Variants in SCAI observed in about 807,000 individuals in gnomAD.
SCAI encodes the protein protein SCAI.
SCAI carries 24 observed loss-of-function variants against 92.2 expected under a neutral mutation model. That is an observed-to-expected ratio of 0.26 (90% CI 0.19 to 0.37). The LOEUF (loss-of-function observed/expected upper bound fraction) is 0.37, where lower values mean the gene tolerates loss of function less well. Among genes scored for constraint, SCAI ranks in the 10% least tolerant of loss-of-function variants. The pLI, the probability that SCAI is intolerant of heterozygous loss-of-function variation, is 1.00. For missense variants in SCAI, 450 were observed against 736.2 expected (o/e 0.61, Z 4.50); for synonymous variants, 261 against 258.6 (o/e 1.01, Z -0.09).
intron 2 of SCAI, chr9:125,065,896 GA>G: frequency 1.5e-6 from 1 of 652,302 alleles, no homozygotes; most frequent in South Asian, 1.9e-5. Flanking sequence ...TCACAATTAA[GA>G]AAAAGAAACC....
At chr9:125,038,911 T>C (rs1833256768) in intron 3 of SCAI, among the ~76,000 whole-genome samples, 1 of 152,236 alleles carries the variant, frequency 6.6e-6, no homozygotes, top group Non-Finnish European at 1.5e-5. Flanking sequence ...GTTATCTCCT[T>C]ATAGTTCTAT....
At chr9:125,001,152 G>A (rs1188462279) in intron 12 of SCAI, among the ~76,000 whole-genome samples, 1 of 152,062 alleles carries the variant, frequency 6.6e-6, no homozygotes, top group African/African-American at 2.4e-5. Context: ...AAAAATCACT[G>A]CAATGAAAAG....
chr9:124,969,928 A>G (rs559724459), intron 17 of SCAI, among the ~76,000 whole-genome samples: 3 of 152,004 alleles, frequency 2.0e-5, no homozygotes, highest in Admixed American at 2.0e-4. Context: ...ATCTCTGCTC[A>G]CTGCAACCTC....
chr9:125,038,492 T>G (rs993017001), intron 3 of SCAI, among the ~76,000 whole-genome samples: 2 of 152,208 alleles, frequency 1.3e-5, no homozygotes, highest in African/African-American at 4.8e-5. Context: ...AAATAATTTT[T>G]CCCCCAAACC....
chr9:125,025,156 T>C (rs1229370375), intron 6 of SCAI, among the ~76,000 whole-genome samples: 1 of 152,216 alleles, frequency 6.6e-6, no homozygotes, highest in Non-Finnish European at 1.5e-5. Context: ...AGAAACAACC[T>C]ACAAACTGAA....
At chr9:125,115,673 C>G (rs2131239973) in intron 2 of SCAI, among the ~76,000 whole-genome samples, 1 of 152,058 alleles carries the variant, frequency 6.6e-6, no homozygotes, top group South Asian at 2.1e-4. Context: ...AATCAATTTA[C>G]AGTTATAGTC....
intron 4 of SCAI, among the ~76,000 whole-genome samples, chr9:125,029,234 G>A (rs116499642): frequency 6.6e-6 from 1 of 152,078 alleles, no homozygotes; most frequent in African/African-American, 2.4e-5. Flanking sequence ...CGATTCTCGT[G>A]CCACAGCCTC....
At chr9:124,997,544 G>A (rs1021517160) in intron 13 of SCAI, among the ~76,000 whole-genome samples, 1 of 152,112 alleles carries the variant, frequency 6.6e-6, no homozygotes, top group Non-Finnish European at 1.5e-5. Context: ...GAGCCAATGA[G>A]CCAATAACAG....
intron 2 of SCAI, among the ~76,000 whole-genome samples, chr9:125,106,102 A>C (rs1175307349): frequency 6.6e-4 from 21 of 32,034 alleles, no homozygotes; most frequent in Non-Finnish European, 1.2e-3. Context: ...ATCTCAAAAA[A>C]AAAAAAAAAA....
intron 2 of SCAI, among the ~76,000 whole-genome samples, chr9:125,116,134 G>A (rs891048676): frequency 5.3e-5 from 8 of 151,962 alleles, no homozygotes; most frequent in South Asian, 2.1e-4. Flanking sequence ...GCAGTGAGCC[G>A]AGATTGCACC....
intron 3 of SCAI, among the ~76,000 whole-genome samples, chr9:125,032,195 A>C (rs71497077): frequency 1.0e-5 from 1 of 99,476 alleles, no homozygotes; most frequent in South Asian, 3.3e-4. Flanking sequence ...ATATATATAT[A>C]TTTTTTTTTT....
At chr9:124,972,388 C>A (rs73666662) in intron 15 of SCAI, among the ~76,000 whole-genome samples, 1 of 152,038 alleles carries the variant, frequency 6.6e-6, no homozygotes, top group Non-Finnish European at 1.5e-5. Flanking sequence ...CTCTGTCTTG[C>A]GGTAGATACT....
chr9:125,083,717 G>C (rs1834266558), intron 2 of SCAI, among the ~76,000 whole-genome samples: 1 of 152,130 alleles, frequency 6.6e-6, no homozygotes. Flanking sequence ...CAAATATTGA[G>C]AGTCTTCTAT....
chr9:125,024,663 C>T (rs1832934589), intron 6 of SCAI, among the ~76,000 whole-genome samples: 1 of 152,166 alleles, frequency 6.6e-6, no homozygotes, highest in Non-Finnish European at 1.5e-5. Flanking sequence ...GACACTGACT[C>T]TTTAACTATA....
intron 2 of SCAI, among the ~76,000 whole-genome samples, chr9:125,093,398 G>C (rs984881015): frequency 6.6e-6 from 1 of 151,924 alleles, no homozygotes; most frequent in Non-Finnish European, 1.5e-5. Context: ...TACTTCACAG[G>C]CTGCTCCTTC....
At chr9:124,983,120 C>T (rs148030390) in intron 14 of SCAI, among the ~76,000 whole-genome samples, 180 of 151,372 alleles carry the variant, frequency 1.2e-3, no homozygotes, top group African/African-American at 4.1e-3. Flanking sequence ...CCACTGCACT[C>T]CATGCACTCC....
At chr9:125,024,173 A>T (rs952780588) in intron 6 of SCAI, among the ~76,000 whole-genome samples, 3 of 152,108 alleles carry the variant, frequency 2.0e-5, no homozygotes, top group African/African-American at 7.2e-5. Context: ...TCTTCTGAAC[A>T]ATAAATGACA....
At chr9:125,094,840 C>G (rs1399522555) in intron 2 of SCAI, among the ~76,000 whole-genome samples, 1 of 152,136 alleles carries the variant, frequency 6.6e-6, no homozygotes, top group Non-Finnish European at 1.5e-5. Context: ...ATAATGCAAA[C>G]TTCATGAGGG....
At position 124,947,468 on chromosome 9, in the gene SCAI, A is replaced by G. The variant is rs1197948561; in HGVS notation, c.*5339T>C. On this transcript the variant is annotated 3_prime_UTR_variant, in exon 18 of 18. Coordinates refer to ENST00000336505, the MANE Select transcript of SCAI (RefSeq NM_001144877.3). ...AATTAGCCCATTTTATCCAAACACA[A>G]GCCTCTCAAAATAGAGGCTTATGAA... is the stretch of plus-strand genomic sequence containing the variant. 6.6e-6 allele frequency: 1 copy of G among 151,924 alleles called. No individual in the cohort carries two copies. Among genetic ancestry groups the G allele is most frequent in the Non-Finnish European group, 1.5e-5 (1 of 67,908 alleles). 9.4% of individuals were successfully genotyped at this position (151,924 alleles called of 1,614,324 possible).
Sources: gnomAD v4.1 joint callset for allele counts (sites outside exome capture counted in the v4.1 genomes callset) on GRCh38, gnomAD v4.1.1 for gene constraint, MANE v1.5 for transcripts, NCBI Gene and HGNC (gene_info 2026-07-23, HGNC 2026-07-21) for gene names.